Variants in MIS18A observed in about 807,000 individuals in gnomAD.
MIS18A encodes the protein protein Mis18-alpha.
A neutral mutation model predicts 25.0 loss-of-function variants in MIS18A; 14 were observed. The ratio of observed to expected loss-of-function variants is 0.56; its 90% confidence interval spans 0.37 to 0.88. The LOEUF is 0.88. Among genes scored for constraint, MIS18A ranks in the 40% least tolerant of loss-of-function variants. MIS18A has a pLI of 0.00. For synonymous variants in MIS18A, 134 were observed against 118.6 expected (o/e 1.13, Z -0.84); for missense variants, 292 against 290.8 (o/e 1.00, Z -0.03).
chr21:32,198,796 AT>A, the MIS18A span, among the ~76,000 whole-genome samples: 1 of 152,206 alleles, frequency 6.6e-6, no homozygotes, highest in African/African-American at 2.4e-5. Flanking sequence ...TTTACTGGGA[AT>A]TGAAAAGGTG....
At chr21:32,245,144 T>C in the MIS18A span, among the ~76,000 whole-genome samples, 166 of 152,348 alleles carry the variant, frequency 1.1e-3, no homozygotes, top group African/African-American at 3.8e-3. Flanking sequence ...ACGCCATTGA[T>C]TTCATGATCC....
the MIS18A span, among the ~76,000 whole-genome samples, chr21:32,184,306 CA>C: frequency 6.6e-6 from 1 of 152,214 alleles, no homozygotes; most frequent in Non-Finnish European, 1.5e-5. Flanking sequence ...GGAGAAGCAA[CA>C]AACCAGGATC....
chr21:32,264,752 C>G (rs1412955487), downstream of MIS18A, among the ~76,000 whole-genome samples: 1 of 152,174 alleles, frequency 6.6e-6, no homozygotes, highest in Non-Finnish European at 1.5e-5. Flanking sequence ...AGATCTGATT[C>G]TGCAACGGGT....
chr21:32,204,126 C>T, the MIS18A span, among the ~76,000 whole-genome samples: 407 of 152,164 alleles, frequency 2.7e-3, 2 homozygotes, highest in African/African-American at 9.5e-3. Flanking sequence ...TCAAATGAAT[C>T]GACAGACATA....
At chr21:32,256,567 C>T in the MIS18A span, among the ~76,000 whole-genome samples, 6 of 152,146 alleles carry the variant, frequency 3.9e-5, no homozygotes, top group South Asian at 4.1e-4. Context: ...TTCCCTGTTT[C>T]GCGAATGTGC....
the MIS18A span, among the ~76,000 whole-genome samples, chr21:32,227,212 G>C: frequency 6.6e-6 from 1 of 151,668 alleles, no homozygotes; most frequent in Admixed American, 6.6e-5. Flanking sequence ...ATAAATATTA[G>C]AGACAAAATA....
chr21:32,180,443 C>T, the MIS18A span, among the ~76,000 whole-genome samples: 178 of 152,326 alleles, frequency 1.2e-3, no homozygotes, highest in African/African-American at 4.1e-3. Context: ...TTTCCCTTCC[C>T]CACCAAACCT....
chr21:32,199,165 A>C, the MIS18A span, among the ~76,000 whole-genome samples: 1 of 152,152 alleles, frequency 6.6e-6, no homozygotes, highest in African/African-American at 2.4e-5. Context: ...ATGGATTTGC[A>C]TATTTAACAA....
At chr21:32,236,143 G>A in the MIS18A span, among the ~76,000 whole-genome samples, 1,655 of 152,072 alleles carry the variant, frequency 0.011, 24 homozygotes, top group African/African-American at 0.037. Flanking sequence ...GGGAGTCCGA[G>A]GTGGGTGGAT....
the MIS18A span, among the ~76,000 whole-genome samples, chr21:32,163,967 G>C: frequency 6.6e-6 from 1 of 152,078 alleles, no homozygotes; most frequent in African/African-American, 2.4e-5. Context: ...AGGTGAACAG[G>C]AACAGTCATC....
chr21:32,275,918 C>T (rs573898592), intron 1 of MIS18A, among the ~76,000 whole-genome samples: 1 of 152,044 alleles, frequency 6.6e-6, no homozygotes, highest in Non-Finnish European at 1.5e-5. Context: ...CACTTCCATA[C>T]TTGTTCCTCC....
At chr21:32,233,060 T>C in the MIS18A span, among the ~76,000 whole-genome samples, 4 of 152,222 alleles carry the variant, frequency 2.6e-5, no homozygotes, top group African/African-American at 7.2e-5. Context: ...CTCTATATTC[T>C]GGGCAAACAA....
the MIS18A span, among the ~76,000 whole-genome samples, chr21:32,255,031 A>G: frequency 6.6e-6 from 1 of 152,232 alleles, no homozygotes; most frequent in African/African-American, 2.4e-5. Flanking sequence ...ATATAGTAAT[A>G]TAGAATATGC....
chr21:32,183,882 C>T, the MIS18A span, among the ~76,000 whole-genome samples: 1 of 152,216 alleles, frequency 6.6e-6, no homozygotes, highest in Non-Finnish European at 1.5e-5. Flanking sequence ...TGCAGTTCCT[C>T]GCAGACAATA....
chr21:32,255,735 G>GA, the MIS18A span, among the ~76,000 whole-genome samples: 61 of 151,550 alleles, frequency 4.0e-4, no homozygotes, highest in South Asian at 4.8e-3. Context: ...TAAAAATACA[G>GA]AAAAAATTAG....
chr21:32,219,557 G>A, the MIS18A span, among the ~76,000 whole-genome samples: 107 of 152,320 alleles, frequency 7.0e-4, no homozygotes, highest in African/African-American at 2.4e-3. Flanking sequence ...AGCCATTTGC[G>A]CAGACACAGA....
At chr21:32,230,307 C>T in the MIS18A span, among the ~76,000 whole-genome samples, 1 of 152,206 alleles carries the variant, frequency 6.6e-6, no homozygotes, top group Non-Finnish European at 1.5e-5. Flanking sequence ...TCCTTCATCA[C>T]CTAATTCAGG....
In MIS18A at chr21:32,269,726, A is replaced by G; in HGVS notation, c.602T>C (p.Ile201Thr). 2 of 1,603,638 alleles carry G rather than the reference A, an allele frequency of 1.2e-6. No homozygotes were observed. Among genetic ancestry groups the G allele is most frequent in the South Asian group, 1.1e-5 (1 of 90,820 alleles). ...ELFNLESRVE[I>T]EKSLTQMEDV... ...AATTACCTGTGTTAGAGACTTTTCTATTTCAACTCTGCTTTCAAGATTAAA... is the reference window on the plus strand; with the variant it reads ...AATTACCTGTGTTAGAGACTTTTCTGTTTCAACTCTGCTTTCAAGATTAAA... Residue 201 changes from isoleucine (I) to threonine (T), a missense_variant, in exon 4 of 5, where the codon ATA (isoleucine) becomes ACA (threonine). By Grantham distance (89) the Ile-to-Thr change is moderately conservative. Transcript: ENST00000290130.
At chr21:32,239,909 T>A in the MIS18A span, among the ~76,000 whole-genome samples, 4,241 of 152,326 alleles carry the variant, frequency 0.028, 98 homozygotes, top group Non-Finnish European at 0.038. Context: ...ACACTGCTGT[T>A]GACTGAAAGG....
Sources: gnomAD v4.1 joint callset for allele counts (sites outside exome capture counted in the v4.1 genomes callset) on GRCh38, gnomAD v4.1.1 for gene constraint, MANE v1.5 for transcripts, NCBI Gene and HGNC (gene_info 2026-07-23, HGNC 2026-07-21) for gene names.